The following ARHGEF18 variants were observed in gnomAD, a reference collection of about 807,000 sequenced individuals.
ARHGEF18 encodes the protein rho guanine nucleotide exchange factor 18.
Under a neutral mutation model 155.7 loss-of-function variants are expected in ARHGEF18, and 93 were observed. The observed-to-expected ratio is 0.60, with a 90% CI of 0.50 to 0.71. The LOEUF (loss-of-function observed/expected upper bound fraction) is 0.71, where lower values mean the gene tolerates loss of function less well. Among genes scored for constraint, ARHGEF18 ranks in the 30% least tolerant of loss-of-function variants. The pLI is 0.00. For missense variants in ARHGEF18, 1,593 were observed against 1,816.1 expected, an observed-to-expected ratio of 0.88 and a Z score of 2.23; for synonymous variants, 742 against 753.1, an observed-to-expected ratio of 0.99 and a Z score of 0.24.
At chr19:7,359,617 G>C (rs1470808560) in intron 1 of ARHGEF18, among the ~76,000 whole-genome samples, 1 of 152,020 alleles carries the variant, frequency 6.6e-6, no homozygotes, top group East Asian at 1.9e-4. Flanking sequence ...CTAGGAGGGG[G>C]GTTCATTCTA....
At chr19:7,353,118 G>A (rs1311060996) in intron 1 of ARHGEF18, among the ~76,000 whole-genome samples, 3 of 151,838 alleles carry the variant, frequency 2.0e-5, no homozygotes, top group African/African-American at 7.3e-5. Flanking sequence ...TTACAGGTGT[G>A]AGCCACCGCG....
At chr19:7,379,021 A>G in intron 6 of ARHGEF18, 101 bp from the exon 7 acceptor site, 2 of 1,046,764 alleles carry the variant, frequency 1.9e-6, no homozygotes, top group Non-Finnish European at 2.4e-6. Context: ...GGTCTGCATC[A>G]GGACCTGAGG....
chr19:7,381,258 G>T (rs1970719304), intron 8 of ARHGEF18, among the ~76,000 whole-genome samples: 2 of 151,576 alleles, frequency 1.3e-5, no homozygotes, highest in Admixed American at 1.3e-4. Context: ...TAAGGATGAA[G>T]GAAAAAAAAA....
rs1600531436 is a variant in ARHGEF18, at chr19:7,462,422, GCCGACACGGCAC to G, written c.2635+91_2635+102del. 11 of 1,395,108 alleles carry G rather than the reference GCCGACACGGCAC, an allele frequency of 7.9e-6. No homozygotes were observed. In the East Asian group the frequency reaches 2.8e-4, roughly 35 times the overall value. The allele number at this position is 1,395,108 out of a possible 1,614,324, so 86.4% of individuals were successfully genotyped here. On this transcript the variant is annotated intron_variant, in intron 21 of 28. Transcript: ENST00000668164. This position sits in a 1 kb window ranked among gnomAD's most constrained non-coding sequence, Gnocchi z 4.4. ...CAGGCCAGGCTCACGGCTCATTGTG[GCCGACACGGCAC>G]CCTGTCCAGGACAGGCTTCTATGTG...
chr19:7,419,244 C>T (rs1380543257), intron 10 of ARHGEF18, among the ~76,000 whole-genome samples: 1 of 120,186 alleles, frequency 8.3e-6, no homozygotes, highest in Non-Finnish European at 1.6e-5. Flanking sequence ...CCCCGATGTA[C>T]CCACACTCGG....
In ARHGEF18 at chr19:7,375,863, C is replaced by T; in HGVS notation, c.419C>T (p.Pro140Leu). Reference protein sequence around the residue: ...LSGGGTPAESPGKECDSPKKR... With the variant: ...LSGGGTPAESLGKECDSPKKR... The stretch of plus-strand genomic sequence containing the variant: ...GGGGGCGGGACCCCCGCAGAGAGCC[C>T]AGGCAAGGTGGGTATAACCTGCAGC... Residue 140 changes from proline (P) to leucine (L), a missense_variant, in exon 4 of 29, where the codon CCA becomes CTA. Transcript: ENST00000668164. The T allele has an allele frequency of 1.6e-6, 2 of 1,234,438 alleles. No homozygotes were observed. The highest frequency in any genetic ancestry group is 1.5e-5 in the African/African-American group (1 of 64,618). 76.5% of individuals were successfully genotyped at this position (1,234,438 alleles called of 1,614,324 possible). A position where few individuals can be genotyped will look rare whatever the true frequency, so the allele number is the denominator to read the frequency against.
Position 7,371,512 on chromosome 19 carries a change from G to A in ARHGEF18, c.16-1300G>A, listed in dbSNP as rs185765013. 7.2e-4 allele frequency among the ~76,000 whole-genome samples: 110 copies of A among 152,004 alleles called. 1 individual carries two copies. Among genetic ancestry groups the A allele is most frequent in the African/African-American group, 5.8e-4 (24 of 41,472 alleles). On this transcript the variant is annotated intron_variant, in intron 2 of 28. Transcript: ENST00000668164. ...ATCCTGGCCAACATTGTGAAACCCC[G>A]TCTCTAATAAAAAATATATAAAAAT...
chr19:7,367,758 A>AAAATAT (rs377535487), intron 2 of ARHGEF18, among the ~76,000 whole-genome samples: 3 of 74,110 alleles, frequency 4.0e-5, no homozygotes, highest in African/African-American at 1.4e-4. Context: ...AAAAAAAAAA[A>AAAATAT]ATATATATAT....
chr19:7,451,116 T>C, intron 15 of ARHGEF18, 33 bp from the exon 16 acceptor site: 2 of 1,597,696 alleles, frequency 1.3e-6, no homozygotes, highest in South Asian at 1.1e-5. Context: ...GTTTCTGAGA[T>C]GTTAATACAG....
chr19:7,470,210 T>C lies in ARHGEF18; in HGVS notation c.3998T>C (p.Leu1333Pro). ...CTCAAGGCCGGGGGCACAGCCCTCC[T>C]GCCCGGGCCCCCAGCTCCCTCGCCA... Reference protein sequence around the residue: ...FSLKAGGTALLPGPPAPSPLP... With the variant: ...FSLKAGGTALPPGPPAPSPLP... Residue 1333 changes from leucine (L) to proline (P), a missense_variant, in exon 29 of 29, where the codon CTG becomes CCG. Physicochemically the swap from Leu to Pro is moderately conservative, Grantham distance 98. Coordinates refer to ENST00000668164, the MANE Select transcript of ARHGEF18 (RefSeq NM_001367823.1). This position sits in a 1 kb window ranked among gnomAD's most constrained non-coding sequence, Gnocchi z 5.9. 1 of 1,610,338 alleles carries C rather than the reference T, an allele frequency of 6.2e-7. No individual in the cohort carries two copies.
chr19:7,458,717 C>G lies in ARHGEF18; in HGVS notation c.2360+27C>G, dbSNP rs760753238. 3 of 1,593,494 alleles carry G rather than the reference C, an allele frequency of 1.9e-6. No homozygotes were observed. In the East Asian group the frequency reaches 6.8e-5, roughly 36 times the overall value. Reference sequence around the variant, plus strand: ...TGAGGAGGGCCTGGGGGTCTCCCCACCCACTGTGTTCCTTCCGCTGATTGG... The same window carrying G: ...TGAGGAGGGCCTGGGGGTCTCCCCAGCCACTGTGTTCCTTCCGCTGATTGG... On this transcript the variant is annotated intron_variant, in intron 19 of 28. Coordinates refer to ENST00000668164, the MANE Select transcript of ARHGEF18 (RefSeq NM_001367823.1).
At chr19:7,407,893 C>T (rs1053522202) in intron 10 of ARHGEF18, among the ~76,000 whole-genome samples, 2 of 133,784 alleles carry the variant, frequency 1.5e-5, no homozygotes, top group Admixed American at 8.8e-5. Flanking sequence ...ACCCAGGAGG[C>T]GGAGCTTGCA....
chr19:7,421,182 T>TC (rs1973329741), intron 10 of ARHGEF18, among the ~76,000 whole-genome samples: 1 of 152,080 alleles, frequency 6.6e-6, no homozygotes. Context: ...TCTGCCCACT[T>TC]CAGCCTCCAA....
chr19:7,399,248 T>C (rs1971899213), intron 10 of ARHGEF18, among the ~76,000 whole-genome samples: 1 of 152,130 alleles, frequency 6.6e-6, no homozygotes, highest in Non-Finnish European at 1.5e-5. Context: ...AGGGGAGGAT[T>C]GTGGCTGACT....
At position 7,455,815 on chromosome 19, in the gene ARHGEF18, AAG is replaced by A. The variant is rs531828534; in HGVS notation, c.2105-505_2105-504del. ...AGTCTTACATGGATGGCAGCAGGCAAAGAGAGAGGGAGCTTGTGCAGGGAAAC... is the reference window on the plus strand; with the variant it reads ...AGTCTTACATGGATGGCAGCAGGCAAAGAGAGGGAGCTTGTGCAGGGAAAC... On this transcript the variant is annotated intron_variant, in intron 17 of 28. Coordinates refer to ENST00000668164, the MANE Select transcript of ARHGEF18 (RefSeq NM_001367823.1). Among the ~76,000 whole-genome samples, 6 of 152,050 alleles carry A rather than the reference AAG, an allele frequency of 3.9e-5. No homozygotes were observed. In the East Asian group the frequency reaches 9.6e-4, roughly 24 times the overall value.
At chr19:7,446,167 T>G (rs1160329590) in intron 14 of ARHGEF18, among the ~76,000 whole-genome samples, 2 of 151,416 alleles carry the variant, frequency 1.3e-5, no homozygotes, top group East Asian at 3.9e-4. Context: ...GGAGGCTGAG[T>G]GGGGGTGGAT....
At chr19:7,382,473 T>C (rs1970796375) in intron 8 of ARHGEF18, among the ~76,000 whole-genome samples, 1 of 151,324 alleles carries the variant, frequency 6.6e-6, no homozygotes, top group Non-Finnish European at 1.5e-5. Flanking sequence ...GGGCGTGAAT[T>C]AGAGGGAGAA....
intron 2 of ARHGEF18, among the ~76,000 whole-genome samples, chr19:7,370,234 G>A (rs1970139280): frequency 1.3e-5 from 2 of 151,978 alleles, no homozygotes; most frequent in African/African-American, 2.4e-5. Context: ...GGTGGCTCAC[G>A]CCTGTAATCC....
At chr19:7,407,106 A>G (rs970213321) in intron 10 of ARHGEF18, among the ~76,000 whole-genome samples, 1 of 148,086 alleles carries the variant, frequency 6.8e-6, no homozygotes, top group African/African-American at 2.5e-5. Flanking sequence ...CATACTCAGG[A>G]TGGTAGGGAA....
Sources: gnomAD v4.1 joint callset for allele counts (sites outside exome capture counted in the v4.1 genomes callset) on GRCh38, gnomAD v4.1.1 for gene constraint, Gnocchi (gnomAD v3.1) non-coding constraint, MANE v1.5 for transcripts, NCBI Gene and HGNC (gene_info 2026-07-23, HGNC 2026-07-21) for gene names.